The following PLPPR3 variants were observed in gnomAD, a reference collection of about 807,000 sequenced individuals.
PLPPR3 encodes phospholipid phosphatase-related protein type 3.
A neutral mutation model predicts 27.3 loss-of-function variants in PLPPR3; 14 were observed. That is an observed-to-expected ratio of 0.51 (90% confidence interval 0.34 to 0.80). The LOEUF is 0.80. Among genes scored for constraint, PLPPR3 ranks in the 30% least tolerant of loss-of-function variants. The probability of loss-of-function intolerance (pLI) is 0.01; values close to 1 mark genes in which losing one functional copy is unlikely to be tolerated. For missense variants in PLPPR3, 1,287 were observed against 1,056.9 expected, an observed-to-expected ratio of 1.22 and a Z score of -3.02; for synonymous variants, 671 against 508.0, an observed-to-expected ratio of 1.32 and a Z score of -4.32.
Position 814,867 on chromosome 19 carries a change from A to G in PLPPR3, c.599+19T>C. 1 of 1,602,656 alleles carries G rather than the reference A, an allele frequency of 6.2e-7. No individual in the cohort carries two copies. The highest frequency in any genetic ancestry group is 8.5e-7 in the Non-Finnish European group (1 of 1,177,114). On this transcript the variant is annotated intron_variant, in intron 5 of 7. Coordinates refer to ENST00000520876, the MANE Select transcript of PLPPR3 (RefSeq NM_001270366.2). The stretch of plus-strand genomic sequence containing the variant: ...GCGGAAGAAGGCTCCCAGTCAGGGG[A>G]GTTGGGGGTCCGGCTCACCGTGCAG...
At chr19:822,971 T>G (rs2035170790), upstream of PLPPR3, among the ~76,000 whole-genome samples, 1 of 149,308 alleles carries the variant, frequency 6.7e-6, no homozygotes, top group Admixed American at 6.7e-5. Flanking sequence ...ATACAAAAAT[T>G]TTTAGGGTGT....
chr19:821,547 T>C lies in PLPPR3; in HGVS notation c.13A>G (p.Lys5Glu). 8.8e-6 allele frequency: 13 copies of C among 1,470,444 alleles called. No individual in the cohort carries two copies. Among genetic ancestry groups the C allele is most frequent in the Non-Finnish European group, 1.1e-5 (12 of 1,103,248 alleles). The allele number at this position is 1,470,444 out of a possible 1,614,324, so 91.1% of individuals were successfully genotyped here. Residue 5 changes from lysine (K) to glutamate (E), a missense_variant, in exon 2 of 8, where the codon AAG becomes GAG. Coordinates refer to ENST00000520876, the MANE Select transcript of PLPPR3 (RefSeq NM_001270366.2). The part of the protein sequence containing the change: MIST[K>E]EKNKIPKDSM... ...TCCTTCGGGATCTTGTTCTTCTCCT[T>C]GGTGGAGATCATGGTGCCGCGGGCG...
chr19:812,541 G>GGGCCC lies in PLPPR3; in HGVS notation c.*28_*29insGGGCC. 8.7e-5 allele frequency: 54 copies of GGGCCC among 617,356 alleles called. No individual in the cohort carries two copies. The highest frequency in any genetic ancestry group is 9.9e-5 in the Non-Finnish European group (49 of 496,494). 38.2% of individuals were successfully genotyped at this position (617,356 alleles called of 1,614,324 possible). A position where few individuals can be genotyped will look rare whatever the true frequency, so the allele number is the denominator to read the frequency against. On this transcript the variant is annotated 3_prime_UTR_variant, in exon 8 of 8. Coordinates refer to ENST00000520876, the MANE Select transcript of PLPPR3 (RefSeq NM_001270366.2). The stretch of plus-strand genomic sequence containing the variant: ...GCGCGGCCGCCCGCGCCCTCGGCCC[G>GGGCCC]CCCCCCGCCCGCCCCCGGCCCCGCC...
intron 2 of PLPPR3, among the ~76,000 whole-genome samples, chr19:816,633 A>G (rs910025457): frequency 1.4e-5 from 2 of 147,172 alleles, no homozygotes; most frequent in Non-Finnish European, 3.0e-5. Context: ...CCAGCCATTC[A>G]TTCATCTATC....
chr19:816,371 TTC>T (rs1225491749), intron 2 of PLPPR3, among the ~76,000 whole-genome samples: 37 of 50,112 alleles, frequency 7.4e-4, no homozygotes, highest in Middle Eastern at 9.8e-3. Flanking sequence ...TACCCAGCCA[TTC>T]ATCCATCCAT....
chr19:819,418 T>C (rs1475531022), intron 2 of PLPPR3, among the ~76,000 whole-genome samples: 1 of 151,268 alleles, frequency 6.6e-6, no homozygotes, highest in East Asian at 1.9e-4. Context: ...GTAGATGGGA[T>C]TACAGGCGCC....
chr19:820,712 G>A (rs1599264015), intron 2 of PLPPR3, among the ~76,000 whole-genome samples: 1 of 151,970 alleles, frequency 6.6e-6, no homozygotes, highest in African/African-American at 2.4e-5. Context: ...TAGTAGAGAT[G>A]GGGTTTCACC....
chr19:814,509 C>T lies in PLPPR3; in HGVS notation c.756G>A (p.Gln252=). Residue 252 remains glutamine (Q), a synonymous_variant, in exon 7 of 8, where the codon CAG becomes CAA. Transcript: ENST00000520876. ...AIAAGVCGLT[Q]ITQYRSHPVD... is the part of the protein sequence containing the mutation. ...CAGGGTGGCTGCGGTACTGCGTGAT[C>T]TGCGTGAGCCCGCATACGCCCGCGG... is the stretch of plus-strand genomic sequence containing the variant. The T allele has an allele frequency of 6.2e-7, 1 of 1,611,194 alleles. No individual in the cohort carries two copies. Among genetic ancestry groups the T allele is most frequent in the Non-Finnish European group, 8.5e-7 (1 of 1,179,898 alleles).
At chr19:823,450 A>AAAAAAAAAAAAAAAAC (rs111454578), upstream of PLPPR3, among the ~76,000 whole-genome samples, 26 of 143,856 alleles carry the variant, frequency 1.8e-4, 2 homozygotes, top group Admixed American at 1.2e-3. Flanking sequence ...TCAAAAAAAA[A>AAAAAAAAAAAAAAAAC]AAAAAAAACA....
intron 7 of PLPPR3, 41 bp downstream of exon 7, chr19:814,393 C>T (rs751560132): frequency 4.1e-5 from 64 of 1,550,424 alleles, no homozygotes; most frequent in Non-Finnish European, 5.5e-5. Context: ...CTCAGATCCC[C>T]TGGGAACCCA....
intron 4 of PLPPR3, 24 bp downstream of exon 4, chr19:815,162 G>T: frequency 6.2e-6 from 10 of 1,601,908 alleles, no homozygotes; most frequent in Non-Finnish European, 8.5e-6. Context: ...GTAGCTCAGG[G>T]TCGGGGCGCG....
In PLPPR3 at chr19:813,558, C is replaced by A; in HGVS notation, c.1169G>T (p.Arg390Leu). ...CGGCACGTGGATGGTCATGTGGCGG[C>A]GCGCGGGGTCGTCCAGCGAGGGCGC... is the stretch of plus-strand genomic sequence containing the variant. ...ASAPSLDDPA[R>L]RHMTIHVPLD... Residue 390 changes from arginine (R) to leucine (L), a missense_variant, in exon 8 of 8, where the codon CGC (arginine) becomes CTC (leucine). Coordinates refer to ENST00000520876, the MANE Select transcript of PLPPR3 (RefSeq NM_001270366.2). This position sits in a 1 kb window ranked among gnomAD's most constrained non-coding sequence, Gnocchi z 4.1. 1 of 1,558,536 alleles carries A rather than the reference C, an allele frequency of 6.4e-7. No individual in the cohort carries two copies. Among genetic ancestry groups the A allele is most frequent in the Non-Finnish European group, 8.7e-7 (1 of 1,153,672 alleles).
chr19:813,813 G>A lies in PLPPR3; in HGVS notation c.914C>T (p.Ala305Val). ...CGAGTCGTGGCCCCGCTGCGTCAGG[G>A]CCCGCAGCGCGTCCTTGGCGGGGGC... ...APAPAKDALR[A>V]LTQRGHDSVY... Residue 305 changes from alanine to valine, a missense_variant, in exon 8 of 8, where the codon GCC becomes GTC. Physicochemically the swap from Ala to Val is moderately conservative, Grantham distance 64. Coordinates refer to ENST00000520876, the MANE Select transcript of PLPPR3 (RefSeq NM_001270366.2). This position sits in a 1 kb window ranked among gnomAD's most constrained non-coding sequence, Gnocchi z 4.1. The A allele has an allele frequency of 4.6e-6, 7 of 1,510,310 alleles. No homozygotes were observed. The highest frequency in any genetic ancestry group is 3.7e-5 in the South Asian group (3 of 80,792). 93.6% of individuals were successfully genotyped at this position (1,510,310 alleles called of 1,614,324 possible). A position where few individuals can be genotyped will look rare whatever the true frequency, so the allele number is the denominator to read the frequency against.
At chr19:816,988 CATCT>C (rs1337056474) in intron 2 of PLPPR3, among the ~76,000 whole-genome samples, 18 of 151,264 alleles carry the variant, frequency 1.2e-4, no homozygotes, top group South Asian at 4.2e-4. Flanking sequence ...TCCATCCATC[CATCT>C]ATCCACCCTC....
Position 813,368 on chromosome 19 carries a change from C to T in PLPPR3, c.1359G>A (p.Glu453=), listed in dbSNP as rs2034979128. The T allele has an allele frequency of 2.7e-6, 4 of 1,493,898 alleles. No homozygotes were observed. The highest frequency in any genetic ancestry group is 5.1e-5 in the East Asian group (2 of 39,318). 92.5% of individuals were successfully genotyped at this position (1,493,898 alleles called of 1,614,324 possible). A position where few individuals can be genotyped will look rare whatever the true frequency, so the allele number is the denominator to read the frequency against. ...CCTCGTCCTCCTCCTCTTCCTCCTC[C>T]TCCTCTTCCTCTTCGTCCTCCTCCT... The part of the protein sequence containing the change: ...EEEEEDEEEE[E]EEEEEEDEGP... Residue 453 remains glutamate, a synonymous_variant, in exon 8 of 8, where the codon GAG becomes GAA. Transcript: ENST00000520876. The surrounding 1 kb of genome is among the most constrained non-coding windows in gnomAD (Gnocchi z 4.1).
rs929903641 is a variant in PLPPR3 at position 813,563 on chromosome 19, G to T, written c.1164C>A (p.Pro388=). ...CGTGGATGGTCATGTGGCGGCGCGC[G>T]GGGTCGTCCAGCGAGGGCGCGCTGG... ...PRASAPSLDD[P]ARRHMTIHVP... Residue 388 remains proline (P), a synonymous_variant, in exon 8 of 8, where the codon CCC becomes CCA. Transcript: ENST00000520876. This position sits in a 1 kb window ranked among gnomAD's most constrained non-coding sequence, Gnocchi z 4.1. 4 of 1,559,218 alleles carry T rather than the reference G, an allele frequency of 2.6e-6. No individual in the cohort carries two copies. The Admixed American group carries it at 5.7e-5, about 22-fold the overall frequency.
chr19:816,805 C>CCCAT (rs146319967), intron 2 of PLPPR3, among the ~76,000 whole-genome samples: 3 of 147,914 alleles, frequency 2.0e-5, no homozygotes, highest in East Asian at 2.0e-4. Context: ...CCCAACAGTA[C>CCCAT]CCATCCATCC....
intron 2 of PLPPR3, among the ~76,000 whole-genome samples, chr19:817,656 T>G (rs1459431415): frequency 6.6e-6 from 1 of 151,788 alleles, no homozygotes; most frequent in Non-Finnish European, 1.5e-5. Context: ...AGGGCACAGG[T>G]CAGGGCTGGG....
rs908927511 is a variant in PLPPR3 at position 812,557 on chromosome 19, C to T, written c.*13G>A. 3 of 989,852 alleles carry T rather than the reference C, an allele frequency of 3.0e-6. No homozygotes were observed. The highest frequency in any genetic ancestry group is 1.8e-5 in the African/African-American group (1 of 56,640). 61.3% of individuals were successfully genotyped at this position (989,852 alleles called of 1,614,324 possible). A position where few individuals can be genotyped will look rare whatever the true frequency, so the allele number is the denominator to read the frequency against. ...CCTCGGCCCGCCCCCCGCCCGCCCCCGGCCCCGCCGCGCTAGTCGGGGAAG... is the reference window on the plus strand; with the variant it reads ...CCTCGGCCCGCCCCCCGCCCGCCCCTGGCCCCGCCGCGCTAGTCGGGGAAG... On this transcript the variant is annotated 3_prime_UTR_variant, in exon 8 of 8. Coordinates refer to ENST00000520876, the MANE Select transcript of PLPPR3 (RefSeq NM_001270366.2).
Sources: allele counts gnomAD v4.1 joint callset (sites outside exome capture counted in the v4.1 genomes callset), GRCh38; gene constraint gnomAD v4.1.1; non-coding constraint Gnocchi (gnomAD v3.1); transcripts MANE v1.5; gene names NCBI Gene and HGNC (gene_info 2026-07-23, HGNC 2026-07-21).